The following VTA1 variants were observed in gnomAD, a reference collection of about 807,000 sequenced individuals.
VTA1 encodes vacuolar protein sorting-associated protein VTA1 homolog.
A neutral mutation model predicts 36.9 loss-of-function variants in VTA1; 24 were observed. The observed-to-expected ratio is 0.65, with a 90% confidence interval of 0.47 to 0.91. The LOEUF is 0.91. VTA1 is among the 40% of genes least tolerant of loss of function. VTA1 has a pLI of 0.00. For synonymous variants in VTA1, 142 were observed against 130.2 expected (o/e 1.09, Z -0.62); for missense variants, 393 against 377.2 (o/e 1.04, Z -0.35).
chr6:142,216,049 C>G (rs1008136919), intron 7 of VTA1, among the ~76,000 whole-genome samples: 4 of 152,072 alleles, frequency 2.6e-5, no homozygotes, highest in African/African-American at 9.7e-5. Context: ...GACAACCCCT[C>G]TAATCTTTGA....
intron 4 of VTA1, among the ~76,000 whole-genome samples, chr6:142,187,485 G>A (rs1384679556): frequency 1.3e-5 from 2 of 152,170 alleles, no homozygotes; most frequent in African/African-American, 4.8e-5. Flanking sequence ...CTCCCTGCCA[G>A]TAAAAGACAC....
At chr6:142,218,045 A>G (rs1248223713) in intron 7 of VTA1, among the ~76,000 whole-genome samples, 1 of 152,174 alleles carries the variant, frequency 6.6e-6, no homozygotes, top group Non-Finnish European at 1.5e-5. Context: ...AACATGTAAA[A>G]TACTCTCATG....
chr6:142,203,833 A>G, intron 6 of VTA1, 152 bp from the exon 7 acceptor site: 1 of 619,988 alleles, frequency 1.6e-6, no homozygotes, highest in Non-Finnish European at 2.8e-6. Context: ...GATATCCTCC[A>G]ACATCAACTA....
intron 4 of VTA1, among the ~76,000 whole-genome samples, chr6:142,186,317 T>C (rs1349109510): frequency 6.6e-6 from 1 of 151,972 alleles, no homozygotes; most frequent in Non-Finnish European, 1.5e-5. Flanking sequence ...CCAGGTAGAG[T>C]AGACCCTTGT....
chr6:142,162,975 G>A (rs1347854371), intron 1 of VTA1, among the ~76,000 whole-genome samples: 1 of 152,158 alleles, frequency 6.6e-6, no homozygotes, highest in East Asian at 1.9e-4. Flanking sequence ...TGGCCACTGA[G>A]TGAAAGAGAG....
chr6:142,187,258 G>T (rs957156071), intron 4 of VTA1, among the ~76,000 whole-genome samples: 1 of 152,180 alleles, frequency 6.6e-6, no homozygotes, highest in Admixed American at 6.5e-5. Flanking sequence ...GAAACCAAGA[G>T]AATAGAGTGT....
At chr6:142,151,274 A>G (rs78426319) in intron 1 of VTA1, among the ~76,000 whole-genome samples, 208 of 152,298 alleles carry the variant, frequency 1.4e-3, no homozygotes, top group African/African-American at 4.8e-3. Context: ...AGAGTCTCTT[A>G]CATTTATACA....
intron 4 of VTA1, among the ~76,000 whole-genome samples, chr6:142,181,094 A>AAAAAAAATATATAT (rs1471429927): frequency 8.2e-5 from 3 of 36,440 alleles, no homozygotes; most frequent in Non-Finnish European, 1.2e-4. Flanking sequence ...AAAAAAAAAA[A>AAAAAAAATATATAT]ATATATATAT....
Position 142,189,546 on chromosome 6 carries a change from T to C in VTA1, c.520+12T>C. On this transcript the variant is annotated intron_variant, in intron 5 of 7. Coordinates refer to ENST00000367630, the MANE Select transcript of VTA1 (RefSeq NM_016485.5). ...TGAAGAAGATAATGGTATGTATTTA[T>C]TTATTCTGAGTAAAAGGACTTAGTA... 6.3e-7 allele frequency: 1 copy of C among 1,596,876 alleles called. No homozygotes were observed. Among genetic ancestry groups the C allele is most frequent in the African/African-American group, 1.3e-5 (1 of 74,646 alleles).
At chr6:142,186,825 A>G (rs561554016) in intron 4 of VTA1, among the ~76,000 whole-genome samples, 2 of 148,022 alleles carry the variant, frequency 1.4e-5, no homozygotes, top group South Asian at 4.3e-4. Flanking sequence ...TGAAGAGGTT[A>G]AAAAAAAAAG....
At chr6:142,187,740 A>T (rs1330258070) in intron 4 of VTA1, among the ~76,000 whole-genome samples, 3 of 152,098 alleles carry the variant, frequency 2.0e-5, no homozygotes, top group Non-Finnish European at 4.4e-5. Context: ...AGGAAATGTG[A>T]TACAAATTTA....
At chr6:142,181,980 T>C (rs920543074) in intron 4 of VTA1, among the ~76,000 whole-genome samples, 8 of 152,248 alleles carry the variant, frequency 5.3e-5, no homozygotes, top group Non-Finnish European at 1.0e-4. Flanking sequence ...TTTTCAAGCA[T>C]TTCTCATTAT....
At chr6:142,181,245 T>G (rs1305208365) in intron 4 of VTA1, among the ~76,000 whole-genome samples, 1 of 147,320 alleles carries the variant, frequency 6.8e-6, no homozygotes, top group Non-Finnish European at 1.5e-5. Context: ...GCCATTCTCC[T>G]GCCTCAGCCT....
chr6:142,178,115 T>C (rs1266572884), intron 4 of VTA1, among the ~76,000 whole-genome samples: 1 of 152,070 alleles, frequency 6.6e-6, no homozygotes, highest in Non-Finnish European at 1.5e-5. Context: ...ATAAAGGAAA[T>C]CACACCTAGA....
rs1775781474 is a variant in VTA1, at chr6:142,205,842, A to G, written c.778+1777A>G. On this transcript the variant is annotated intron_variant, in intron 7 of 7. Transcript: ENST00000367630. ...CTAAAACATCTAATTTTGATATTAT[A>G]CAAGAAATCTCAGTTTGGAAGCAAA... 2.0e-5 allele frequency among the ~76,000 whole-genome samples: 3 copies of G among 152,144 alleles called. No homozygotes were observed. The South Asian group carries it at 6.2e-4, about 32-fold the overall frequency.
chr6:142,161,941 AG>A (rs1774817663), intron 1 of VTA1, among the ~76,000 whole-genome samples: 1 of 152,210 alleles, frequency 6.6e-6, no homozygotes, highest in Non-Finnish European at 1.5e-5. Flanking sequence ...GAAATATAAA[AG>A]CCAGGCCAAT....
chr6:142,211,258 A>G (rs994477741), intron 7 of VTA1, among the ~76,000 whole-genome samples: 5 of 152,250 alleles, frequency 3.3e-5, no homozygotes, highest in Non-Finnish European at 5.9e-5. Context: ...AACTGTAAAG[A>G]TGGCAAATTA....
chr6:142,185,673 A>C (rs1400809036), intron 4 of VTA1, among the ~76,000 whole-genome samples: 1 of 152,232 alleles, frequency 6.6e-6, no homozygotes, highest in Non-Finnish European at 1.5e-5. Flanking sequence ...AAAAGGAAGA[A>C]AAAGGTGAAC....
chr6:142,162,679 G>A (rs1257497356), intron 1 of VTA1, among the ~76,000 whole-genome samples: 8 of 152,062 alleles, frequency 5.3e-5, no homozygotes, highest in African/African-American at 1.9e-4. Flanking sequence ...AAGATAGTTG[G>A]GTTTATGTAT....
Sources: gnomAD v4.1 joint callset for allele counts (sites outside exome capture counted in the v4.1 genomes callset) on GRCh38, gnomAD v4.1.1 for gene constraint, MANE v1.5 for transcripts, NCBI Gene and HGNC (gene_info 2026-07-23, HGNC 2026-07-21) for gene names.